B3GALNT2: variants seen among roughly 807,000 people sequenced by gnomAD.
B3GALNT2 encodes the protein UDP-GalNAc:beta-1,3-N-acetylgalactosaminyltransferase 2.
In B3GALNT2, 53 loss-of-function variants were observed where a neutral mutation model predicts 61.1. The observed-to-expected ratio is 0.87, with a 90% CI of 0.70 to 1.09. B3GALNT2 has a LOEUF of 1.09. B3GALNT2 is among the 50% of genes least tolerant of loss of function. B3GALNT2 has a pLI of 0.00. For missense variants in B3GALNT2, 544 were observed against 623.0 expected (o/e 0.87, Z 1.35); for synonymous variants, 223 against 237.4 (o/e 0.94, Z 0.56).
At chr1:235,474,960 TATATATATATATATATATATATATATA>T (rs1684174939) in intron 5 of B3GALNT2, among the ~76,000 whole-genome samples, 1 of 22,876 alleles carries the variant, frequency 4.4e-5, no homozygotes, top group Non-Finnish European at 8.2e-5. Context: ...CATATATATA[TATATATATATATATATATATATATATA>T]TTTTTTTTTT....
chr1:235,441,370 G>T, the B3GALNT2 span: 4 of 259,284 alleles, frequency 1.5e-5, no homozygotes, highest in Non-Finnish European at 3.0e-5. Context: ...AGTGTCCTGT[G>T]GATCGTGTCT....
chr1:235,492,952 G>A (rs988919960), intron 2 of B3GALNT2, among the ~76,000 whole-genome samples: 6 of 152,174 alleles, frequency 3.9e-5, no homozygotes, highest in African/African-American at 1.4e-4. Context: ...CAAAGACTTG[G>A]AGTTTCACTC....
chr1:235,496,827 TC>T (rs769212520), intron 1 of B3GALNT2, among the ~76,000 whole-genome samples: 3 of 152,062 alleles, frequency 2.0e-5, no homozygotes, highest in Non-Finnish European at 4.4e-5. Context: ...ACAGGCGTGA[TC>T]CACCGTGCCT....
intron 7 of B3GALNT2, among the ~76,000 whole-genome samples, chr1:235,461,357 T>C (rs1278527488): frequency 1.3e-5 from 2 of 152,112 alleles, no homozygotes; most frequent in East Asian, 3.9e-4. Context: ...AAAGATTCAG[T>C]AGGTCTGGGG....
Position 235,490,353 on chromosome 1 carries a change from C to G in B3GALNT2, c.261-1085G>C, listed in dbSNP as rs1239486058. ...TCAAGTGATTCTCCTGCCTCAGCCT[C>G]CTAAGTGGCTGGGATTACAGGCGTG... On this transcript the variant is annotated intron_variant, in intron 2 of 11. Coordinates refer to ENST00000366600, the MANE Select transcript of B3GALNT2 (RefSeq NM_152490.5). Among the ~76,000 whole-genome samples, 4 of 152,290 alleles carry G rather than the reference C, an allele frequency of 2.6e-5. No individual in the cohort carries two copies. The East Asian group carries it at 5.8e-4, about 22-fold the overall frequency.
chr1:235,504,299 G>T lies in B3GALNT2; in HGVS notation c.-47C>A. ...GGGCTCTCCCGCGTCCCGGCGGAGA[G>T]GGAGGGGACCTGCAAGTGCGGAGAC... On this transcript the variant is annotated 5_prime_UTR_variant, in exon 1 of 12. Transcript: ENST00000366600. The T allele has an allele frequency of 6.8e-7, 1 of 1,474,862 alleles. No individual in the cohort carries two copies. Among genetic ancestry groups the T allele is most frequent in the South Asian group, 1.3e-5 (1 of 79,378 alleles). 91.4% of individuals were successfully genotyped at this position (1,474,862 alleles called of 1,614,324 possible).
chr1:235,442,034 G>T, the B3GALNT2 span: 30 of 602,414 alleles, frequency 5.0e-5, no homozygotes, highest in Non-Finnish European at 8.0e-5. Context: ...TTGAGACAGA[G>T]TCTCCCTCTG....
intron 6 of B3GALNT2, among the ~76,000 whole-genome samples, chr1:235,470,444 T>A (rs1683933055): frequency 6.6e-6 from 1 of 151,828 alleles, no homozygotes; most frequent in South Asian, 2.1e-4. Context: ...CACAAAAAGT[T>A]AGCTGGGTGT....
chr1:235,461,478 T>C (rs895498307), intron 7 of B3GALNT2, among the ~76,000 whole-genome samples: 2 of 151,288 alleles, frequency 1.3e-5, no homozygotes, highest in Admixed American at 1.3e-4. Flanking sequence ...AGACCAGCCT[T>C]TGAGAAACAC....
chr1:235,453,087 T>TA lies in B3GALNT2; in HGVS notation c.1368+2dup. The TA allele has an allele frequency of 6.2e-7, 1 of 1,609,006 alleles. No individual in the cohort carries two copies. The highest frequency in any genetic ancestry group is 1.3e-5 in the African/African-American group (1 of 74,910). Reference sequence around the variant, plus strand: ...AACCCTGAGGCCATCCCCAAAGACTTACCTGGTATCTTTTAGGTCCTATGG... The same window carrying TA: ...AACCCTGAGGCCATCCCCAAAGACTTAACCTGGTATCTTTTAGGTCCTATGG... On this transcript the variant is annotated splice_region_variant and intron_variant, in intron 11 of 11. Coordinates refer to ENST00000366600, the MANE Select transcript of B3GALNT2 (RefSeq NM_152490.5).
At chr1:235,479,972 T>C in intron 5 of B3GALNT2, 82 bp downstream of exon 5, 2 of 1,556,534 alleles carry the variant, frequency 1.3e-6, no homozygotes, top group Non-Finnish European at 1.7e-6. Context: ...CAAGAAAATA[T>C]CAAGTGCCTG....
downstream of B3GALNT2, among the ~76,000 whole-genome samples, chr1:235,442,405 G>A (rs1011164142): frequency 1.3e-5 from 2 of 152,142 alleles, no homozygotes; most frequent in Non-Finnish European, 2.9e-5. Flanking sequence ...CCTGACCTCA[G>A]GAGATCCACC....
chr1:235,502,386 C>T (rs1423849342), intron 1 of B3GALNT2, among the ~76,000 whole-genome samples: 1 of 152,114 alleles, frequency 6.6e-6, no homozygotes, highest in Non-Finnish European at 1.5e-5. Context: ...ACACGTTTAC[C>T]TATGTAACAA....
chr1:235,465,828 T>G (rs951309777), intron 6 of B3GALNT2, 114 bp from the exon 7 acceptor site: 2 of 1,212,788 alleles, frequency 1.6e-6, no homozygotes, highest in African/African-American at 3.0e-5. Flanking sequence ...GATAAATGCA[T>G]GTAAGATGCT....
At chr1:235,489,550 A>T (rs542781490) in intron 2 of B3GALNT2, among the ~76,000 whole-genome samples, 25 of 152,220 alleles carry the variant, frequency 1.6e-4, no homozygotes, top group Non-Finnish European at 2.9e-4. Flanking sequence ...TTAAAAGCAA[A>T]CTATAGTAAA....
intron 3 of B3GALNT2, among the ~76,000 whole-genome samples, chr1:235,487,162 C>CAAA (rs79026091): frequency 2.0e-4 from 25 of 127,210 alleles, no homozygotes; most frequent in African/African-American, 6.3e-4. Context: ...ACTCTGTCTC[C>CAAA]AAAAAAAAAA....
chr1:235,484,285 G>GA (rs1220348798), intron 4 of B3GALNT2, 37 bp downstream of exon 4: 1 of 1,531,154 alleles, frequency 6.5e-7, no homozygotes, highest in Non-Finnish European at 8.8e-7. Context: ...TTTTGAAAAA[G>GA]AAAAAAGAGA....
intron 2 of B3GALNT2, among the ~76,000 whole-genome samples, chr1:235,489,934 C>A (rs2102854866): frequency 6.6e-6 from 1 of 152,334 alleles, no homozygotes; most frequent in East Asian, 1.9e-4. Context: ...ACTAATGTAA[C>A]CAATGAGCTG....
At chr1:235,503,642 A>C (rs1214027432) in intron 1 of B3GALNT2, among the ~76,000 whole-genome samples, 2 of 152,246 alleles carry the variant, frequency 1.3e-5, no homozygotes, top group Non-Finnish European at 2.9e-5. Flanking sequence ...CTTACAGCAA[A>C]GTTATTCCTT....
Sources: allele counts gnomAD v4.1 joint callset (sites outside exome capture counted in the v4.1 genomes callset), GRCh38; gene constraint gnomAD v4.1.1; transcripts MANE v1.5; gene names NCBI Gene and HGNC (gene_info 2026-07-23, HGNC 2026-07-21).